The following PCSK5 variants were observed in gnomAD, a reference collection of about 807,000 sequenced individuals.
PCSK5 encodes the protein proprotein convertase subtilisin/kexin type 5.
A neutral mutation model predicts 233.2 loss-of-function variants in PCSK5; 129 were observed. The ratio of observed to expected loss-of-function variants is 0.55; its 90% CI spans 0.48 to 0.64. The LOEUF is 0.64. Ranked by LOEUF, PCSK5 falls within the 30% of genes least tolerant of loss-of-function variation. The pLI, the probability that PCSK5 is intolerant of heterozygous loss-of-function variation, is 0.00. For missense variants in PCSK5, 2,076 were observed against 2,430.1 expected (o/e 0.85, Z 3.06); for synonymous variants, 825 against 879.2 (o/e 0.94, Z 1.09).
At chr9:76,016,916 C>T (rs1827970968) in intron 3 of PCSK5, among the ~76,000 whole-genome samples, 1 of 152,210 alleles carries the variant, frequency 6.6e-6, no homozygotes, top group Admixed American at 6.5e-5. Flanking sequence ...TCTCTATAAG[C>T]ATATCTTGTA....
rs11144678 is a variant in PCSK5, at chr9:75,910,271, T to G, written c.192+18898T>G. Among the ~76,000 whole-genome samples the G allele has an allele frequency of 4.9e-3, 742 of 152,322 alleles. 11 individuals are homozygous for G. Among genetic ancestry groups the G allele is most frequent in the African/African-American group, 0.016 (667 of 41,570 alleles). On this transcript the variant is annotated intron_variant, in intron 1 of 37. Transcript: ENST00000674117. ...GATACTCTGGATAAGAACCCCGTGA[T>G]GTAATAGGAAGACCCTAGTGAACTC...
At chr9:76,081,697 A>G (rs981754500) in intron 7 of PCSK5, among the ~76,000 whole-genome samples, 3 of 152,144 alleles carry the variant, frequency 2.0e-5, no homozygotes, top group African/African-American at 7.2e-5. Context: ...TTTAGAGTCC[A>G]AACATTGGAA....
intron 1 of PCSK5, among the ~76,000 whole-genome samples, chr9:75,921,878 T>C (rs1242747459): frequency 6.6e-6 from 1 of 152,212 alleles, no homozygotes; most frequent in African/African-American, 2.4e-5. Context: ...AAACATACTG[T>C]AAGTTGAATG....
intron 35 of PCSK5, among the ~76,000 whole-genome samples, chr9:76,340,878 A>G (rs1192096504): frequency 6.6e-6 from 1 of 150,776 alleles, no homozygotes; most frequent in Admixed American, 6.6e-5. Context: ...CAACCCATCT[A>G]TTTTTTTTGT....
At chr9:76,298,411 A>G (rs1179674287) in intron 27 of PCSK5, among the ~76,000 whole-genome samples, 2 of 152,206 alleles carry the variant, frequency 1.3e-5, no homozygotes, top group African/African-American at 4.8e-5. Context: ...ATGGCTGGAC[A>G]AAAGCAATCA....
At chr9:75,987,354 C>T (rs1826560334) in intron 3 of PCSK5, among the ~76,000 whole-genome samples, 1 of 152,166 alleles carries the variant, frequency 6.6e-6, no homozygotes, top group Admixed American at 6.5e-5. Flanking sequence ...CTCATGGCAT[C>T]CATCATGGCA....
intron 2 of PCSK5, among the ~76,000 whole-genome samples, chr9:75,945,720 C>T (rs1022901666): frequency 1.3e-5 from 2 of 152,030 alleles, no homozygotes; most frequent in African/African-American, 2.4e-5. Flanking sequence ...TTTGACACAC[C>T]TCCTTTTTGC....
intron 32 of PCSK5, among the ~76,000 whole-genome samples, chr9:76,324,869 G>T (rs746972637): frequency 1.3e-5 from 2 of 152,014 alleles, no homozygotes; most frequent in Middle Eastern, 3.2e-3. Context: ...AACACGACAA[G>T]ATAGATGTCC....
At chr9:76,064,521 C>T (rs1249683867) in intron 5 of PCSK5, among the ~76,000 whole-genome samples, 9 of 150,146 alleles carry the variant, frequency 6.0e-5, no homozygotes, top group Admixed American at 2.6e-4. Flanking sequence ...ACCCCCCCAA[C>T]CTCCCTCCCG....
intron 2 of PCSK5, among the ~76,000 whole-genome samples, chr9:75,972,192 T>G (rs1024300049): frequency 1.2e-4 from 19 of 152,194 alleles, no homozygotes; most frequent in African/African-American, 4.6e-4. Flanking sequence ...TGGTTATAGA[T>G]ATGTGGTCTT....
At chr9:76,061,226 C>A (rs1313804388) in intron 5 of PCSK5, among the ~76,000 whole-genome samples, 2 of 152,068 alleles carry the variant, frequency 1.3e-5, no homozygotes, top group African/African-American at 4.8e-5. Context: ...ACATCATTTT[C>A]AAACACATGG....
chr9:76,178,343 C>T (rs2131208239), intron 14 of PCSK5, among the ~76,000 whole-genome samples: 1 of 152,128 alleles, frequency 6.6e-6, no homozygotes, highest in East Asian at 1.9e-4. Context: ...GACTTATTTC[C>T]ATTCAGATGG....
chr9:75,901,622 G>T (rs1225406107), intron 1 of PCSK5, among the ~76,000 whole-genome samples: 1 of 123,410 alleles, frequency 8.1e-6, no homozygotes, highest in Non-Finnish European at 1.7e-5. Context: ...ATATATCCCA[G>T]AACTTAAAAA....
chr9:76,122,672 A>T (rs1160524364), intron 9 of PCSK5, among the ~76,000 whole-genome samples: 1 of 150,232 alleles, frequency 6.7e-6, no homozygotes, highest in African/African-American at 2.5e-5. Context: ...GTGAAGTCTT[A>T]AAAAAAAATG....
intron 3 of PCSK5, among the ~76,000 whole-genome samples, chr9:76,007,971 C>T (rs1388039063): frequency 6.6e-6 from 1 of 152,034 alleles, no homozygotes; most frequent in Non-Finnish European, 1.5e-5. Context: ...ACGGGTTCCC[C>T]TTCTAATTTG....
chr9:76,322,581 T>G (rs1295892744), intron 31 of PCSK5, among the ~76,000 whole-genome samples: 3 of 152,224 alleles, frequency 2.0e-5, no homozygotes, highest in African/African-American at 7.2e-5. Context: ...AAACCCGCAA[T>G]GTATTCTTCA....
chr9:76,328,042 C>T lies in PCSK5; in HGVS notation c.4373C>T (p.Ser1458Phe), dbSNP rs1183806711. The change falls in exon 33 of 38, where the codon TCT becomes TTT. Residue 1458 changes from serine (S) to phenylalanine (F), a missense_variant. Coordinates refer to ENST00000674117, the MANE Select transcript of PCSK5 (RefSeq NM_001372043.1). ...CHKSCLTCSS[S>F]GTCTTCQKGL... ...AAGTCCTGCTTGACCTGCTCATCAT[C>T]TGGGACCTGCACCACCTGTCAGAAA... 2 of 1,612,780 alleles carry T rather than the reference C, an allele frequency of 1.2e-6. No homozygotes were observed.
At chr9:76,252,521 G>C (rs1470312658) in intron 24 of PCSK5, among the ~76,000 whole-genome samples, 3 of 152,184 alleles carry the variant, frequency 2.0e-5, no homozygotes, top group Non-Finnish European at 2.9e-5. Flanking sequence ...AGATGGGATT[G>C]AGCACACAGG....
intron 5 of PCSK5, among the ~76,000 whole-genome samples, chr9:76,064,160 C>T (rs1341355371): frequency 1.1e-3 from 137 of 119,240 alleles, no homozygotes; most frequent in East Asian, 4.9e-3. Context: ...CCCTCCCGGA[C>T]GGGGCGGCTG....
Sources: allele counts gnomAD v4.1 joint callset (sites outside exome capture counted in the v4.1 genomes callset), GRCh38; gene constraint gnomAD v4.1.1; transcripts MANE v1.5; gene names NCBI Gene and HGNC (gene_info 2026-07-23, HGNC 2026-07-21).